TAF8: variants seen among roughly 807,000 people sequenced by gnomAD.
The protein encoded by TAF8 is TATA-box binding protein associated factor 8.
TAF8 carries 47 observed loss-of-function variants against 36.5 expected under a neutral mutation model. That is an observed-to-expected ratio of 1.29 (90% CI 1.02 to 1.64). TAF8 has a LOEUF of 1.64. TAF8 is among the 40% of genes most tolerant of loss of function. The pLI is 0.00. For synonymous variants in TAF8, 175 were observed against 159.5 expected, an observed-to-expected ratio of 1.10 and a Z score of -0.73; for missense variants, 420 against 407.6, an observed-to-expected ratio of 1.03 and a Z score of -0.26.
In TAF8 at chr6:42,070,433, C is replaced by T. The variant is rs552625414; in HGVS notation, c.780+1826C>T. On this transcript the variant is annotated intron_variant, in intron 7 of 8. Coordinates refer to ENST00000372977, the MANE Select transcript of TAF8 (RefSeq NM_138572.3). ...CGTGAACCTGGGAGATGGAGCTTGG[C>T]GTGAGCCAAGATCGCGCCACTGCAC... 2.6e-4 allele frequency among the ~76,000 whole-genome samples: 40 copies of T among 152,258 alleles called. No homozygotes were observed. In the South Asian group the frequency reaches 6.9e-3, roughly 26 times the overall value.
In TAF8 at chr6:42,080,775, T is replaced by C; in HGVS notation, c.*3230T>C. The C allele has an allele frequency of 1.0e-6, 1 of 981,976 alleles. No homozygotes were observed. The highest frequency in any genetic ancestry group is 1.2e-6 in the Non-Finnish European group (1 of 826,798). 60.8% of individuals were successfully genotyped at this position (981,976 alleles called of 1,614,324 possible). On this transcript the variant is annotated 3_prime_UTR_variant, in exon 9 of 9. Transcript: ENST00000372977. ...CTGTATAAAAATGCAAAATTCTCAA[T>C]GTGTATTTATAAATTTCTATTTTTT...
rs1489837722 is a variant in TAF8, at chr6:42,065,746, G to T, written c.490-566G>T. Among the ~76,000 whole-genome samples, 3 of 152,074 alleles carry T rather than the reference G, an allele frequency of 2.0e-5. No individual in the cohort carries two copies. In the East Asian group the frequency reaches 5.8e-4, roughly 29 times the overall value. On this transcript the variant is annotated intron_variant, in intron 5 of 8. Coordinates refer to ENST00000372977, the MANE Select transcript of TAF8 (RefSeq NM_138572.3). ...CATCTGTCATGGGAGCTGAATGAAG[G>T]CTCCAAGACAATCTCTACAGTAAAT...
chr6:42,050,600 G>C lies in TAF8; in HGVS notation c.45+14G>C. 6.5e-7 allele frequency: 1 copy of C among 1,547,282 alleles called. No individual in the cohort carries two copies. The highest frequency in any genetic ancestry group is 1.2e-5 in the South Asian group (1 of 83,890). On this transcript the variant is annotated intron_variant, in intron 1 of 8. Transcript: ENST00000372977. ...GGCTCCGGAACGGTAAGGGCAGGAA[G>C]CGCGGGCTCGGAGCCGAGAGAGTTT...
chr6:42,073,729 C>T (rs895635165), intron 7 of TAF8, among the ~76,000 whole-genome samples: 4 of 152,016 alleles, frequency 2.6e-5, no homozygotes, highest in Admixed American at 2.6e-4. Context: ...TAAGAGCTGG[C>T]TTTTAACTAA....
At chr6:42,070,116 G>A (rs1158214299) in intron 7 of TAF8, among the ~76,000 whole-genome samples, 1 of 152,094 alleles carries the variant, frequency 6.6e-6, no homozygotes, top group African/African-American at 2.4e-5. Flanking sequence ...GGAGAGAAGA[G>A]GAGTCAGTGA....
chr6:42,074,649 C>G (rs1765686072), intron 7 of TAF8, among the ~76,000 whole-genome samples: 1 of 152,170 alleles, frequency 6.6e-6, no homozygotes, highest in Non-Finnish European at 1.5e-5. Flanking sequence ...ACTGTCTTGC[C>G]TCAGCCTCCC....
At chr6:42,051,669 C>T in intron 2 of TAF8, 156 bp downstream of exon 2, 1 of 774,042 alleles carries the variant, frequency 1.3e-6, no homozygotes, top group Non-Finnish European at 2.0e-6. Flanking sequence ...GAAAAGAAAA[C>T]AGCACAATGG....
At chr6:42,069,099 C>T (rs1765473768) in intron 7 of TAF8, among the ~76,000 whole-genome samples, 2 of 152,056 alleles carry the variant, frequency 1.3e-5, no homozygotes, top group South Asian at 4.1e-4. Flanking sequence ...TGAAGAACAG[C>T]AAGGACATCA....
At position 42,068,528 on chromosome 6, in the gene TAF8, T is replaced by G; in HGVS notation, c.701T>G (p.Met234Arg). ...GCTCTTCTTCCGTCTGAACTGGAGA[T>G]GCAACAAATGGAAGAGACAGATTCC... The part of the protein sequence containing the change: ...LTALLPSELE[M>R]QQMEETDSSE... Residue 234 changes from methionine to arginine, a missense_variant, in exon 7 of 9, where the codon ATG becomes AGG. Met to Arg is a moderately conservative substitution (Grantham distance 91). Coordinates refer to ENST00000372977, the MANE Select transcript of TAF8 (RefSeq NM_138572.3). The G allele has an allele frequency of 6.2e-7, 1 of 1,614,108 alleles. No individual in the cohort carries two copies. The highest frequency in any genetic ancestry group is 8.5e-7 in the Non-Finnish European group (1 of 1,180,018).
In TAF8 at chr6:42,078,186, C is replaced by G; in HGVS notation, c.*641C>G. The G allele has an allele frequency of 1.0e-6, 1 of 985,754 alleles. No individual in the cohort carries two copies. The highest frequency in any genetic ancestry group is 1.2e-6 in the Non-Finnish European group (1 of 830,190). 61.1% of individuals were successfully genotyped at this position (985,754 alleles called of 1,614,324 possible). A position where few individuals can be genotyped will look rare whatever the true frequency, so the allele number is the denominator to read the frequency against. ...ATTACAGGCGTGAGCCACCGCACCC[C>G]ACCAGAGACTTTCTTAATCAATCAG... On this transcript the variant is annotated 3_prime_UTR_variant, in exon 9 of 9. Transcript: ENST00000372977.
intron 7 of TAF8, among the ~76,000 whole-genome samples, chr6:42,074,583 G>T (rs572264765): frequency 2.9e-4 from 44 of 152,202 alleles, no homozygotes; most frequent in African/African-American, 9.6e-4. Flanking sequence ...CGTCTAGGCT[G>T]GAGTGCAGTG....
rs375827857 is a variant in TAF8, at chr6:42,082,696, A to G, written c.*5151A>G. ...GTTCTGCATAATTCTCTTGAGGTCC[A>G]TCTAGGTGGTTGTGTGTATCAGTAG... On this transcript the variant is annotated 3_prime_UTR_variant, in exon 9 of 9. Coordinates refer to ENST00000372977, the MANE Select transcript of TAF8 (RefSeq NM_138572.3). The G allele has an allele frequency of 1.3e-5, 2 of 152,198 alleles. No homozygotes were observed. The highest frequency in any genetic ancestry group is 3.9e-4 in the East Asian group (2 of 5,188). The allele number at this position is 152,198 out of a possible 1,614,324, so 9.4% of individuals were successfully genotyped here.
rs547172400 is a variant in TAF8 at position 42,079,433 on chromosome 6, T to G, written c.*1888T>G. ...TTTCTGGTCTCCTAAGGAAGAGTTT[T>G]TAAAACTAAATCCAAGGAAGAAAAA... is the stretch of plus-strand genomic sequence containing the variant. On this transcript the variant is annotated 3_prime_UTR_variant, in exon 9 of 9. Coordinates refer to ENST00000372977, the MANE Select transcript of TAF8 (RefSeq NM_138572.3). The G allele has an allele frequency of 1.0e-6, 1 of 985,426 alleles. No homozygotes were observed. The highest frequency in any genetic ancestry group is 1.1e-4 in the East Asian group (1 of 8,818). 61.0% of individuals were successfully genotyped at this position (985,426 alleles called of 1,614,324 possible). A position where few individuals can be genotyped will look rare whatever the true frequency, so the allele number is the denominator to read the frequency against.
chr6:42,086,879 AC>A, downstream of TAF8: 1 of 944,756 alleles, frequency 1.1e-6, no homozygotes, highest in Non-Finnish European at 1.7e-6. Context: ...TGCAGATGCT[AC>A]CCCACAAGCT....
At chr6:42,062,646 T>C (rs527833724) in intron 5 of TAF8, among the ~76,000 whole-genome samples, 1 of 150,118 alleles carries the variant, frequency 6.7e-6, no homozygotes, top group South Asian at 2.1e-4. Flanking sequence ...CAAGTGATTC[T>C]CCTGCCTCAG....
chr6:42,068,305 C>T (rs903019950), intron 6 of TAF8, among the ~76,000 whole-genome samples, 160 bp from the exon 7 acceptor site: 2 of 152,152 alleles, frequency 1.3e-5, no homozygotes, highest in African/African-American at 4.8e-5. Flanking sequence ...ATGAGTAAAG[C>T]CCGTAGAACA....
intron 7 of TAF8, among the ~76,000 whole-genome samples, chr6:42,075,645 G>A (rs1765720313): frequency 1.3e-5 from 2 of 152,144 alleles, no homozygotes; most frequent in Admixed American, 6.5e-5. Context: ...TTGCAGAACA[G>A]GAATCTCAAT....
intron 2 of TAF8, among the ~76,000 whole-genome samples, chr6:42,052,739 G>A (rs568704433): frequency 9.2e-5 from 14 of 152,298 alleles, no homozygotes; most frequent in African/African-American, 3.4e-4. Flanking sequence ...GCATGGGATG[G>A]GATGAGGGAT....
chr6:42,051,220 T>C (rs1764769038), intron 1 of TAF8, 137 bp from the exon 2 acceptor site: 1 of 1,297,534 alleles, frequency 7.7e-7, no homozygotes, highest in African/African-American at 1.5e-5. Context: ...TTGGCCAAGA[T>C]CTGTAAATCT....
Sources: gnomAD v4.1 joint callset for allele counts (sites outside exome capture counted in the v4.1 genomes callset) on GRCh38, gnomAD v4.1.1 for gene constraint, MANE v1.5 for transcripts, NCBI Gene and HGNC (gene_info 2026-07-23, HGNC 2026-07-21) for gene names.